Variants in MUS81 observed in about 807,000 individuals in gnomAD.
The protein encoded by MUS81 is MUS81 structure-specific endonuclease subunit.
In MUS81, 69 loss-of-function variants were observed where a neutral mutation model predicts 74.2. The observed-to-expected ratio is 0.93, with a 90% CI of 0.77 to 1.14. The LOEUF is 1.14. Among genes scored for constraint, MUS81 ranks in the 50% most tolerant of loss-of-function variants. The pLI, the probability that MUS81 is intolerant of heterozygous loss-of-function variation, is 0.00. For missense variants in MUS81, 711 were observed against 726.5 expected, an observed-to-expected ratio of 0.98 and a Z score of 0.25; for synonymous variants, 303 against 300.6, an observed-to-expected ratio of 1.01 and a Z score of -0.08.
chr11:65,860,764 C>T lies in MUS81; in HGVS notation c.11C>T (p.Pro4Leu), dbSNP rs1331750240. Residue 4 changes from proline to leucine, a missense_variant, in exon 1 of 16, where the codon CCG becomes CTG. Transcript: ENST00000308110. ...CCCGCCCTCGGGCTCATGGCGGCCC[C>T]GGTCCGCCTGGGCCGGAAGCGCCCG... MAAPVRLGRKRPLP... is the reference protein window; with the variant it reads MAALVRLGRKRPLP... 2.0e-6 allele frequency: 3 copies of T among 1,534,612 alleles called. No homozygotes were observed. Among genetic ancestry groups the T allele is most frequent in the Admixed American group, 3.9e-5 (2 of 50,890 alleles).
chr11:65,860,096 C>T (rs890300335), upstream of MUS81: 3 of 362,564 alleles, frequency 8.3e-6, no homozygotes, highest in African/African-American at 6.3e-5. Flanking sequence ...CCCTGTATCC[C>T]GGGGATGAGG....
At chr11:65,860,295 C>G (rs987636520), upstream of MUS81, 2 of 458,974 alleles carry the variant, frequency 4.4e-6, no homozygotes, top group African/African-American at 4.0e-5. Context: ...GAGGCTGAAG[C>G]TGACAATCTT....
At chr11:65,865,175 G>A (rs1247560861) in intron 13 of MUS81, 30 bp downstream of exon 13, 1 of 1,614,082 alleles carries the variant, frequency 6.2e-7, no homozygotes, top group African/African-American at 1.3e-5. Flanking sequence ...TCTCAGACAT[G>A]GCCTGGCCCA....
At chr11:65,860,014 C>T (rs557165247), upstream of MUS81, 78 of 272,230 alleles carry the variant, frequency 2.9e-4, no homozygotes, top group African/African-American at 1.6e-3. Flanking sequence ...GGCCTCTGAC[C>T]CCCGACATTC....
At position 65,865,109 on chromosome 11, in the gene MUS81, C is replaced by G. The variant is rs1466509020; in HGVS notation, c.1365C>G (p.Thr455=). 6.2e-7 allele frequency: 1 copy of G among 1,614,220 alleles called. No individual in the cohort carries two copies. The highest frequency in any genetic ancestry group is 2.2e-5 in the East Asian group (1 of 44,892). The change falls in exon 13 of 16, where the codon ACC becomes ACG. Residue 455 remains threonine (T), a synonymous_variant. Transcript: ENST00000308110. ...CAAACCCTCTCTGCTCACTCCTCAC[C>G]TTCAGTGACTTCAACGCAGGAGCCA... The part of the protein sequence containing the change: ...TSPNPLCSLL[T]FSDFNAGAIK...
At chr11:65,862,143 G>C (rs1194242273) in intron 4 of MUS81, 68 bp from the exon 5 acceptor site, 1 of 1,591,790 alleles carries the variant, frequency 6.3e-7, no homozygotes. Context: ...GATTATCCCA[G>C]CCACCTGAGC....
At chr11:65,862,635 G>A in intron 6 of MUS81, 106 bp downstream of exon 6, 1 of 1,095,306 alleles carries the variant, frequency 9.1e-7, no homozygotes, top group Non-Finnish European at 1.3e-6. Flanking sequence ...ATTGGGGGGG[G>A]TGGGCCTTTC....
intron 13 of MUS81, 32 bp downstream of exon 13, chr11:65,865,177 C>T (rs1859778031): frequency 6.2e-7 from 1 of 1,614,074 alleles, no homozygotes; most frequent in Admixed American, 1.7e-5. Flanking sequence ...TCAGACATGG[C>T]CTGGCCCAGA....
chr11:65,860,682 A>C lies in MUS81; in HGVS notation c.-72A>C, dbSNP rs1859554529. On this transcript the variant is annotated 5_prime_UTR_variant, in exon 1 of 16. Transcript: ENST00000308110. ...CGCCCCGCCCTGGGCCAGGTGTTCG[A>C]ATCCCGACTCCAGAACTGGCGGCGT... The C allele has an allele frequency of 1.3e-6, 2 of 1,530,638 alleles. No homozygotes were observed. Among genetic ancestry groups the C allele is most frequent in the Admixed American group, 3.9e-5 (2 of 50,876 alleles). 94.8% of individuals were successfully genotyped at this position (1,530,638 alleles called of 1,614,324 possible).
intron 14 of MUS81, 118 bp from the exon 15 acceptor site, chr11:65,865,693 G>A (rs1434585098): frequency 1.9e-6 from 2 of 1,062,018 alleles, no homozygotes; most frequent in African/African-American, 3.2e-5. Flanking sequence ...CCAAGCTCAG[G>A]AAGTGGGGCA....
rs748477548 is a variant in MUS81 at position 65,863,672 on chromosome 11, C to T, written c.912C>T (p.His304=). ...TGACCCACACGGTGCGCAAGCTGCA[C>T]GTTGGAGATTTTGTGTGGGTGGCCC... ...LHVTHTVRKL[H]VGDFVWVAQE... is the part of the protein sequence containing the mutation. Residue 304 remains histidine, a synonymous_variant, in exon 9 of 16, where the codon CAC becomes CAT. Transcript: ENST00000308110. The T allele has an allele frequency of 5.6e-6, 9 of 1,613,892 alleles. No homozygotes were observed. Among genetic ancestry groups the T allele is most frequent in the East Asian group, 2.2e-5 (1 of 44,878 alleles).
At chr11:65,862,554 G>A (rs750035550) in intron 6 of MUS81, 25 bp downstream of exon 6, 4 of 1,606,942 alleles carry the variant, frequency 2.5e-6, no homozygotes, top group Non-Finnish European at 3.4e-6. Flanking sequence ...AGGAGATACA[G>A]GAGAGCATGA....
chr11:65,863,880 C>T lies in MUS81; in HGVS notation c.1038C>T (p.Asp346=), dbSNP rs764712523. ...ATGACCTTTGCAGCAGCATCATCGA[C>T]GGCCGCTTCCGGGAGCAGAAGGTAA... ...RLDDLCSSII[D]GRFREQKFRL... The change falls in exon 10 of 16, where the codon GAC becomes GAT. Residue 346 remains aspartate, a synonymous_variant. Transcript: ENST00000308110. 16 of 1,614,126 alleles carry T rather than the reference C, an allele frequency of 9.9e-6. No homozygotes were observed. Among genetic ancestry groups the T allele is most frequent in the Admixed American group, 1.7e-5 (1 of 60,020 alleles).
chr11:65,860,093 T>G (rs1859526338), upstream of MUS81: 1 of 362,268 alleles, frequency 2.8e-6, no homozygotes, highest in Non-Finnish European at 5.7e-6. Flanking sequence ...TTGCCCTGTA[T>G]CCCGGGGATG....
At chr11:65,866,454 G>C, downstream of MUS81, 4 of 700,412 alleles carry the variant, frequency 5.7e-6, no homozygotes, top group Non-Finnish European at 1.0e-5. Context: ...CAGTCCAGTT[G>C]CCTCGTTTTA....
chr11:65,864,367 G>A (rs1455827021), intron 10 of MUS81, 130 bp from the exon 11 acceptor site: 11 of 780,986 alleles, frequency 1.4e-5, no homozygotes, highest in Non-Finnish European at 2.2e-5. Context: ...CAGGTGGAGA[G>A]GCTAGGGAGG....
rs367692073 is a variant in MUS81, at chr11:65,863,211, G to A, written c.746+6G>A. 5 of 1,607,414 alleles carry A rather than the reference G, an allele frequency of 3.1e-6. No homozygotes were observed. The highest frequency in any genetic ancestry group is 3.4e-6 in the Non-Finnish European group (4 of 1,176,274). On this transcript the variant is annotated splice_donor_region_variant and intron_variant, in intron 7 of 15. Coordinates refer to ENST00000308110, the MANE Select transcript of MUS81 (RefSeq NM_025128.5). ...GGAGCAGCTTCAGCAGAGCTGTGAGGAGGAGGGCAGAGGAGTGGGGAAAAC... is the reference window on the plus strand; with the variant it reads ...GGAGCAGCTTCAGCAGAGCTGTGAGAAGGAGGGCAGAGGAGTGGGGAAAAC...
Position 65,861,099 on chromosome 11 carries a change from G to C in MUS81, c.262G>C (p.Gly88Arg). Residue 88 changes from glycine (G) to arginine (R), a missense_variant, in exon 2 of 16, where the codon GGC becomes CGC. Physicochemically the swap from Gly to Arg is moderately radical, Grantham distance 125. Transcript: ENST00000308110. ...DERLQRHRTS[G>R]GDHAPDSPSG... Reference sequence around the variant, plus strand: ...GCGGCTGCAGCGGCACCGAACATCGGGCGGTGAGCGCCTCGGAAAGGGGTC... The same window carrying C: ...GCGGCTGCAGCGGCACCGAACATCGCGCGGTGAGCGCCTCGGAAAGGGGTC... 6.2e-7 allele frequency: 1 copy of C among 1,612,432 alleles called. No homozygotes were observed. Among genetic ancestry groups the C allele is most frequent in the Non-Finnish European group, 8.5e-7 (1 of 1,179,938 alleles).
At chr11:65,863,566 G>A (rs1482572229) in intron 8 of MUS81, 34 bp from the exon 9 acceptor site, 1 of 1,613,962 alleles carries the variant, frequency 6.2e-7, no homozygotes, top group Admixed American at 1.7e-5. Context: ...GCACTGCCCT[G>A]CTCTGATCTA....
Sources: gnomAD v4.1 joint callset for allele counts on GRCh38, gnomAD v4.1.1 for gene constraint, MANE v1.5 for transcripts, NCBI Gene and HGNC (gene_info 2026-07-23, HGNC 2026-07-21) for gene names.